Variants in SAG observed in about 807,000 individuals in gnomAD.
SAG encodes S-arrestin.
A neutral mutation model predicts 55.0 loss-of-function variants in SAG; 45 were observed. The ratio of observed to expected loss-of-function variants is 0.82; its 90% CI spans 0.64 to 1.05. The LOEUF is 1.05. Among genes scored for constraint, SAG ranks in the 50% least tolerant of loss-of-function variants. The pLI is 0.00. For synonymous variants in SAG, 189 were observed against 197.4 expected, an observed-to-expected ratio of 0.96 and a Z score of 0.36; for missense variants, 455 against 512.1, an observed-to-expected ratio of 0.89 and a Z score of 1.08.
intron 11 of SAG, among the ~76,000 whole-genome samples, chr2:233,337,921 T>C (rs1473041446): frequency 6.6e-6 from 1 of 152,258 alleles, no homozygotes; most frequent in Non-Finnish European, 1.5e-5. Context: ...GCCTGCCAGA[T>C]AGTAGAACTT....
chr2:233,320,212 C>T (rs994571550), intron 4 of SAG, among the ~76,000 whole-genome samples: 6 of 152,188 alleles, frequency 3.9e-5, no homozygotes, highest in African/African-American at 1.4e-4. Context: ...GCTTTGCTGC[C>T]CAGCGCTGTT....
rs371633298 is a variant in SAG at position 233,324,682 on chromosome 2, G to T, written c.435+1677G>T. On this transcript the variant is annotated intron_variant, in intron 6 of 15. Coordinates refer to ENST00000409110, the MANE Select transcript of SAG (RefSeq NM_000541.5). ...ACGGGGCTCCAGCATGGAAGGAGGC[G>T]GTGGGGACAGGAGGAGAAGGAGGTG... Among the ~76,000 whole-genome samples the T allele has an allele frequency of 2.0e-5, 3 of 152,158 alleles. No homozygotes were observed. The South Asian group carries it at 6.2e-4, about 32-fold the overall frequency.
chr2:233,330,521 CT>C (rs1700722890), intron 9 of SAG, among the ~76,000 whole-genome samples: 4 of 149,316 alleles, frequency 2.7e-5, no homozygotes, highest in African/African-American at 9.9e-5. Context: ...TCCTTCCTTC[CT>C]TCCTTCCTTC....
chr2:233,335,200 A>T, intron 11 of SAG, 101 bp downstream of exon 11: 1 of 1,435,192 alleles, frequency 7.0e-7, no homozygotes, highest in Non-Finnish European at 9.4e-7. Context: ...ACGCACGTGC[A>T]GCATGGTGGT....
At chr2:233,314,202 AC>A (rs1700156831) in intron 2 of SAG, among the ~76,000 whole-genome samples, 1 of 150,432 alleles carries the variant, frequency 6.6e-6, no homozygotes, top group Admixed American at 6.6e-5. Context: ...AGCCTGGGCG[AC>A]AGAATGAGAC....
At chr2:233,311,714 G>A (rs749764645) in intron 2 of SAG, among the ~76,000 whole-genome samples, 2 of 152,170 alleles carry the variant, frequency 1.3e-5, no homozygotes, top group Non-Finnish European at 2.9e-5. Flanking sequence ...GCTCCCATCT[G>A]AGGTTCACCA....
chr2:233,341,193 G>A (rs1435387208), intron 13 of SAG, among the ~76,000 whole-genome samples: 3 of 151,882 alleles, frequency 2.0e-5, no homozygotes, highest in South Asian at 2.1e-4. Flanking sequence ...GCCCAGGCTC[G>A]AGTGCAGTGG....
In SAG at chr2:233,340,500, G is replaced by A. The variant is rs1441642937; in HGVS notation, c.1046+22G>A. The A allele has an allele frequency of 1.9e-6, 3 of 1,600,192 alleles. No homozygotes were observed. The highest frequency in any genetic ancestry group is 3.4e-5 in the Admixed American group (2 of 58,680). On this transcript the variant is annotated intron_variant, in intron 13 of 15. Transcript: ENST00000409110. The surrounding 1 kb of genome is among the most constrained non-coding windows in gnomAD (Gnocchi z 4.2). ...CCAGGTAAGCCTGTTCACCTTCCTT[G>A]TTTGATTGTTTCTCAAGATATCAAA...
intron 10 of SAG, chr2:233,332,063 G>A: frequency 6.9e-6 from 2 of 288,382 alleles, no homozygotes; most frequent in Non-Finnish European, 1.3e-5. Flanking sequence ...CCCAGAAGAT[G>A]GTCAAATGAA....
chr2:233,339,556 TCAC>T (rs1701036443), intron 12 of SAG, among the ~76,000 whole-genome samples: 2 of 147,564 alleles, frequency 1.4e-5, no homozygotes, highest in African/African-American at 2.5e-5. Context: ...TTTTTTTTTT[TCAC>T]TGTGGATAGT....
chr2:233,324,903 A>C (rs938341983), intron 6 of SAG, among the ~76,000 whole-genome samples: 9 of 152,174 alleles, frequency 5.9e-5, no homozygotes, highest in Non-Finnish European at 1.2e-4. Context: ...TAGTGGATCC[A>C]AAATGGAAGG....
chr2:233,316,724 A>G (rs2125324687), intron 3 of SAG, among the ~76,000 whole-genome samples: 1 of 152,358 alleles, frequency 6.6e-6, no homozygotes, highest in South Asian at 2.1e-4. Flanking sequence ...TGGGGGAAAG[A>G]CAGGAAGATA....
intron 8 of SAG, 102 bp downstream of exon 8, chr2:233,328,715 T>C (rs1700652832): frequency 7.7e-7 from 1 of 1,291,796 alleles, no homozygotes; most frequent in Non-Finnish European, 1.1e-6. Flanking sequence ...ATGGGTGCCT[T>C]GCAAGGAAGC....
At chr2:233,332,422 T>A (rs1227129680) in intron 10 of SAG, 1 of 152,168 alleles carries the variant, frequency 6.6e-6, no homozygotes, top group Non-Finnish European at 1.5e-5. Context: ...AAAAATATTA[T>A]CAGGGTTAGA....
chr2:233,318,932 A>G, intron 4 of SAG, 137 bp downstream of exon 4: 1 of 793,444 alleles, frequency 1.3e-6, no homozygotes, highest in Non-Finnish European at 2.3e-6. Flanking sequence ...AACCAGTGCC[A>G]GGCCCACTGA....
At chr2:233,336,979 C>T (rs1402692171) in intron 11 of SAG, among the ~76,000 whole-genome samples, 1 of 152,010 alleles carries the variant, frequency 6.6e-6, no homozygotes, top group Non-Finnish European at 1.5e-5. Flanking sequence ...GCCTGTAGTC[C>T]CAGCTATTTG....
chr2:233,308,420 T>C (rs1033787993), intron 1 of SAG, among the ~76,000 whole-genome samples: 1 of 151,934 alleles, frequency 6.6e-6, no homozygotes, highest in South Asian at 2.1e-4. Flanking sequence ...TGAGCTATGA[T>C]TGTGGCACTG....
chr2:233,328,673 C>T (rs1574942779), intron 8 of SAG, 60 bp downstream of exon 8: 3 of 1,526,314 alleles, frequency 2.0e-6, no homozygotes, highest in Non-Finnish European at 2.7e-6. Flanking sequence ...GGCCCCACAC[C>T]CCTCTCTTCA....
chr2:233,328,298 G>A, intron 7 of SAG, 180 bp from the exon 8 acceptor site: 2 of 614,000 alleles, frequency 3.3e-6, no homozygotes, highest in Admixed American at 3.3e-5. Flanking sequence ...AGACCCCCAG[G>A]CTCTTCCACC....
Sources: allele counts gnomAD v4.1 joint callset (sites outside exome capture counted in the v4.1 genomes callset), GRCh38; gene constraint gnomAD v4.1.1; non-coding constraint Gnocchi (gnomAD v3.1); transcripts MANE v1.5; gene names NCBI Gene and HGNC (gene_info 2026-07-23, HGNC 2026-07-21).